AKAP19: variants seen among roughly 807,000 people sequenced by gnomAD.
AKAP19 encodes A-kinase anchoring protein 19.
At chr2:190,070,530 T>A in the AKAP19 span, among the ~76,000 whole-genome samples, 2 of 151,948 alleles carry the variant, frequency 1.3e-5, no homozygotes, top group African/African-American at 4.8e-5. Flanking sequence ...ACATTACTTC[T>A]GCTGTCAATT....
the AKAP19 span, among the ~76,000 whole-genome samples, chr2:190,124,674 C>T: frequency 6.6e-6 from 1 of 152,158 alleles, no homozygotes; most frequent in African/African-American, 2.4e-5. Context: ...CAAACCACTG[C>T]ACTCTAGCCT....
chr2:189,971,833 AT>A, the AKAP19 span, among the ~76,000 whole-genome samples: 1 of 148,732 alleles, frequency 6.7e-6, no homozygotes. Context: ...GGGTTGTTTG[AT>A]TTTTTTTTTG....
chr2:190,031,618 C>G, the AKAP19 span, among the ~76,000 whole-genome samples: 2 of 152,146 alleles, frequency 1.3e-5, no homozygotes, highest in East Asian at 1.9e-4. Flanking sequence ...CACTAGATGT[C>G]TATTTGAAAA....
the AKAP19 span, among the ~76,000 whole-genome samples, chr2:190,060,984 T>C: frequency 6.6e-6 from 1 of 152,022 alleles, no homozygotes; most frequent in African/African-American, 2.4e-5. Context: ...GGAGCAAAAC[T>C]AAGCAGATAA....
the AKAP19 span, among the ~76,000 whole-genome samples, chr2:190,156,101 G>A: frequency 1.3e-5 from 2 of 151,970 alleles, no homozygotes; most frequent in Non-Finnish European, 2.9e-5. Flanking sequence ...CTCCTTATAG[G>A]CTTTGGTTTT....
the AKAP19 span, among the ~76,000 whole-genome samples, chr2:190,189,335 A>C: frequency 7.2e-5 from 11 of 152,280 alleles, no homozygotes; most frequent in Admixed American, 1.3e-4. Flanking sequence ...TTCCAAGAAG[A>C]AGCTGGAATT....
the AKAP19 span, among the ~76,000 whole-genome samples, chr2:189,992,850 T>A: frequency 1.1e-4 from 17 of 152,346 alleles, no homozygotes; most frequent in Admixed American, 5.2e-4. Flanking sequence ...TGCTACTGAT[T>A]TTTGTACATT....
chr2:189,917,551 T>C, the AKAP19 span: 1 of 525,712 alleles, frequency 1.9e-6, no homozygotes. Flanking sequence ...GCTCTTACTC[T>C]TCTTTCTTTC....
the AKAP19 span, among the ~76,000 whole-genome samples, chr2:189,892,241 G>A: frequency 5.9e-5 from 9 of 151,908 alleles, no homozygotes; most frequent in East Asian, 7.8e-4. Flanking sequence ...CCATCAATTC[G>A]TCAAACTCAT....
chr2:189,944,525 T>C, the AKAP19 span, among the ~76,000 whole-genome samples: 2 of 152,236 alleles, frequency 1.3e-5, no homozygotes, highest in South Asian at 4.2e-4. Flanking sequence ...AAGAACAGCC[T>C]AATACAAGAT....
At chr2:189,983,738 C>T in the AKAP19 span, among the ~76,000 whole-genome samples, 4 of 152,202 alleles carry the variant, frequency 2.6e-5, no homozygotes, top group African/African-American at 7.2e-5. Flanking sequence ...CTTGTGCTTG[C>T]AGAAGTCAGA....
At chr2:189,941,606 C>T in the AKAP19 span, among the ~76,000 whole-genome samples, 71 of 152,232 alleles carry the variant, frequency 4.7e-4, no homozygotes, top group Middle Eastern at 6.8e-3. Context: ...AATAAAATAA[C>T]TTGTCATATC....
At chr2:189,989,870 A>G in the AKAP19 span, among the ~76,000 whole-genome samples, 1 of 148,642 alleles carries the variant, frequency 6.7e-6, no homozygotes, top group African/African-American at 2.6e-5. Context: ...TTAAAGATCT[A>G]AATTAGAGAG....
chr2:190,121,113 CTTT>C, the AKAP19 span, among the ~76,000 whole-genome samples: 2 of 133,618 alleles, frequency 1.5e-5, no homozygotes, highest in African/African-American at 2.8e-5. Context: ...AAATCTAAGT[CTTT>C]TTTTTTTTTT....
At chr2:189,896,734 T>C in the AKAP19 span, among the ~76,000 whole-genome samples, 1 of 152,116 alleles carries the variant, frequency 6.6e-6, no homozygotes, top group Admixed American at 6.5e-5. Context: ...GATATATTTT[T>C]GCTGTTTGGA....
chr2:190,144,248 G>GAAA, the AKAP19 span, among the ~76,000 whole-genome samples: 6 of 140,988 alleles, frequency 4.3e-5, no homozygotes, highest in Non-Finnish European at 9.2e-5. Context: ...GGCTCTAACA[G>GAAA]AAAAAAAAAA....
the AKAP19 span, among the ~76,000 whole-genome samples, chr2:190,179,251 T>A: frequency 1.3e-5 from 2 of 151,818 alleles, no homozygotes; most frequent in Non-Finnish European, 2.9e-5. The surrounding 1 kb of genome is among the most constrained non-coding windows in gnomAD (Gnocchi z 6.0). Flanking sequence ...CTACTAAAAA[T>A]ACAAAAATTA....
chr2:190,054,169 T>A, the AKAP19 span, among the ~76,000 whole-genome samples: 2 of 152,096 alleles, frequency 1.3e-5, no homozygotes, highest in Non-Finnish European at 1.5e-5. Context: ...CCAACTGCAA[T>A]GCATTTGGAA....
At chr2:190,073,454 G>C in the AKAP19 span, among the ~76,000 whole-genome samples, 1 of 152,110 alleles carries the variant, frequency 6.6e-6, no homozygotes. Flanking sequence ...TTTTTTATCA[G>C]TGTATATACC....
Sources: allele counts gnomAD v4.1 joint callset (sites outside exome capture counted in the v4.1 genomes callset), GRCh38; gene constraint gnomAD v4.1.1; non-coding constraint Gnocchi (gnomAD v3.1); transcripts MANE v1.5; gene names NCBI Gene and HGNC (gene_info 2026-07-23, HGNC 2026-07-21).